TTLL11: variants seen among roughly 807,000 people sequenced by gnomAD.
The protein encoded by TTLL11 is tubulin tyrosine ligase like 11, also known as tubulin polyglutamylase TTLL11.
Under a neutral mutation model 51.7 loss-of-function variants are expected in TTLL11, and 42 were observed. The observed-to-expected ratio is 0.81, with a 90% CI of 0.64 to 1.05. TTLL11 has a LOEUF of 1.05. Among genes scored for constraint, TTLL11 ranks in the 50% least tolerant of loss-of-function variants. TTLL11 has a pLI of 0.00. For synonymous variants in TTLL11, 381 were observed against 383.5 expected (o/e 0.99, Z 0.08); for missense variants, 799 against 940.4 (o/e 0.85, Z 1.97).
chr9:121,936,034 G>A (rs1443441672), intron 6 of TTLL11, among the ~76,000 whole-genome samples: 1 of 152,050 alleles, frequency 6.6e-6, no homozygotes, highest in East Asian at 1.9e-4. Context: ...AGCTATTAAC[G>A]ACTGCCAAAA....
At chr9:121,896,773 G>C (rs1336578739) in intron 6 of TTLL11, among the ~76,000 whole-genome samples, 1 of 152,162 alleles carries the variant, frequency 6.6e-6, no homozygotes, top group Non-Finnish European at 1.5e-5. Flanking sequence ...TGTTCCAGCC[G>C]AGATCATTTC....
At chr9:121,949,177 T>G (rs967775998) in intron 6 of TTLL11, among the ~76,000 whole-genome samples, 1 of 152,170 alleles carries the variant, frequency 6.6e-6, no homozygotes, top group African/African-American at 2.4e-5. Flanking sequence ...ACTATCACAT[T>G]AGTTAACAGC....
chr9:121,961,300 T>C (rs1222392617), intron 6 of TTLL11, among the ~76,000 whole-genome samples: 1 of 152,224 alleles, frequency 6.6e-6, no homozygotes, highest in Non-Finnish European at 1.5e-5. Flanking sequence ...ACATTCAGAT[T>C]GGATATTTTC....
intron 3 of TTLL11, among the ~76,000 whole-genome samples, chr9:121,996,377 A>G (rs949430857): frequency 6.6e-6 from 1 of 152,176 alleles, no homozygotes; most frequent in African/African-American, 2.4e-5. Flanking sequence ...TTTCCTTCCC[A>G]AAGTCCTTCT....
chr9:121,989,599 G>A lies in TTLL11; in HGVS notation c.865C>T (p.Leu289Phe), dbSNP rs781199939. 7.4e-6 allele frequency: 12 copies of A among 1,614,010 alleles called. No homozygotes were observed. The African/African-American group carries it at 1.5e-4, about 20-fold the overall frequency. The change falls in exon 4 of 9, where the codon CTC (leucine) becomes TTC (phenylalanine). Residue 289 changes from leucine (L) to phenylalanine (F), a missense_variant. Transcript: ENST00000321582. This position sits in a 1 kb window ranked among gnomAD's most constrained non-coding sequence, Gnocchi z 4.2. ...TCAAACTTGAGCTTGTCGATAAGGA[G>A]AGGTTTGCAGATGTACTCCTGGACC... ...AVVQEYICKPLLIDKLKFDIR... is the reference protein window; with the variant it reads ...AVVQEYICKPFLIDKLKFDIR...
rs76441095 is a variant in TTLL11, at chr9:121,883,824, T to A, written c.1482-13076A>T. Among the ~76,000 whole-genome samples, 998 of 152,224 alleles carry A rather than the reference T, an allele frequency of 6.6e-3. 4 individuals are homozygous for A. Among genetic ancestry groups the A allele is most frequent in the Non-Finnish European group, 0.01 (700 of 68,008 alleles). On this transcript the variant is annotated intron_variant, in intron 6 of 8. Coordinates refer to ENST00000321582, the MANE Select transcript of TTLL11 (RefSeq NM_001139442.2). The stretch of plus-strand genomic sequence containing the variant: ...GAGACTCTAGAGAGACTGTGTAAGT[T>A]CAAGCGCAAGGTTAAGGCAGGCAGC...
At chr9:122,006,772 G>A (rs1843659527) in intron 3 of TTLL11, among the ~76,000 whole-genome samples, 1 of 151,946 alleles carries the variant, frequency 6.6e-6, no homozygotes, top group Non-Finnish European at 1.5e-5. Context: ...ATTACTTGAG[G>A]CCAGGAGGTT....
intron 6 of TTLL11, among the ~76,000 whole-genome samples, chr9:121,933,741 T>C (rs1841087290): frequency 6.6e-6 from 1 of 152,224 alleles, no homozygotes; most frequent in Non-Finnish European, 1.5e-5. Context: ...CTTTAATGTC[T>C]GGCTTAATAA....
chr9:121,907,833 A>G (rs1839995215), intron 6 of TTLL11, among the ~76,000 whole-genome samples: 1 of 152,370 alleles, frequency 6.6e-6, no homozygotes, highest in Middle Eastern at 3.4e-3. Flanking sequence ...TATGTTATAC[A>G]TAATTGGGAA....
rs557681134 is a variant in TTLL11 at position 121,834,446 on chromosome 9, C to T, written c.1841-11567G>A. Among the ~76,000 whole-genome samples the T allele has an allele frequency of 5.3e-5, 8 of 150,366 alleles. No individual in the cohort carries two copies. In the South Asian group the frequency reaches 1.7e-3, roughly 32 times the overall value. On this transcript the variant is annotated intron_variant, in intron 8 of 8. Transcript: ENST00000321582. ...CTTTTCTGGGTCTCAGTATCTGCAT[C>T]TGTAAAGTGGGGATAGTAATAGCTG...
At chr9:122,061,619 C>A (rs1402109243) in intron 1 of TTLL11, among the ~76,000 whole-genome samples, 3 of 152,018 alleles carry the variant, frequency 2.0e-5, no homozygotes, top group African/African-American at 7.2e-5. Flanking sequence ...ACTAGTAAGA[C>A]TAAATGTTTT....
chr9:122,093,262 C>G lies in TTLL11; in HGVS notation c.-114G>C, dbSNP rs1427669579. 3.3e-6 allele frequency: 5 copies of G among 1,535,160 alleles called. No homozygotes were observed. Among genetic ancestry groups the G allele is most frequent in the Admixed American group, 4.0e-5 (2 of 50,572 alleles). ...CAGCCGCTGCCACGCGTTCCCCGCC[C>G]GAGCCCGTTGCCATGATCGCTCAGG... On this transcript the variant is annotated 5_prime_UTR_variant, in exon 1 of 9. Transcript: ENST00000321582.
intron 8 of TTLL11, among the ~76,000 whole-genome samples, chr9:121,840,318 C>T (rs953415390): frequency 3.9e-5 from 6 of 152,138 alleles, no homozygotes; most frequent in Admixed American, 1.3e-4. Flanking sequence ...GAACACAGTG[C>T]GCTGCGATGT....
chr9:122,059,944 A>T (rs530875755), intron 1 of TTLL11, among the ~76,000 whole-genome samples: 1 of 152,204 alleles, frequency 6.6e-6, no homozygotes, highest in Non-Finnish European at 1.5e-5. Flanking sequence ...GACTCCCCAC[A>T]GCTGCTTGTC....
At chr9:121,985,982 A>G (rs1842930754) in intron 4 of TTLL11, among the ~76,000 whole-genome samples, 1 of 152,256 alleles carries the variant, frequency 6.6e-6, no homozygotes. Context: ...CAGAGAAAGA[A>G]GCAGAGGCTC....
intron 3 of TTLL11, among the ~76,000 whole-genome samples, chr9:122,007,453 C>T (rs1448423157): frequency 2.6e-5 from 3 of 114,570 alleles, no homozygotes; most frequent in Non-Finnish European, 5.2e-5. Flanking sequence ...CCAGCCTGGG[C>T]AACAAGAGTG....
At chr9:121,940,119 G>A (rs1487472295) in intron 6 of TTLL11, among the ~76,000 whole-genome samples, 4 of 152,176 alleles carry the variant, frequency 2.6e-5, no homozygotes, top group Non-Finnish European at 4.4e-5. Context: ...CAATGGCACA[G>A]GTCAAACATT....
intron 8 of TTLL11, among the ~76,000 whole-genome samples, chr9:121,833,830 C>T (rs1329226494): frequency 2.0e-5 from 3 of 152,168 alleles, no homozygotes; most frequent in African/African-American, 4.8e-5. Context: ...TTATTCCAGA[C>T]TGAATATGAG....
At chr9:122,080,418 G>A (rs80298091) in intron 1 of TTLL11, among the ~76,000 whole-genome samples, 6,234 of 152,086 alleles carry the variant, frequency 0.041, 166 homozygotes, top group South Asian at 0.057. Context: ...GTGCAGTGAC[G>A]CACACCTGTA....
Sources: allele counts gnomAD v4.1 joint callset (sites outside exome capture counted in the v4.1 genomes callset), GRCh38; gene constraint gnomAD v4.1.1; non-coding constraint Gnocchi (gnomAD v3.1); transcripts MANE v1.5; gene names NCBI Gene and HGNC (gene_info 2026-07-23, HGNC 2026-07-21).